The following EEF1AKMT2 variants were observed in gnomAD, a reference collection of about 807,000 sequenced individuals.
EEF1AKMT2 encodes the protein eukaryotic translation elongation factor 1 alpha lysine methyltransferase 2.
A neutral mutation model predicts 35.8 loss-of-function variants in EEF1AKMT2; 32 were observed. That is an observed-to-expected ratio of 0.89 (90% confidence interval 0.67 to 1.20). The LOEUF (loss-of-function observed/expected upper bound fraction) is 1.20. Among genes scored for constraint, EEF1AKMT2 ranks in the 50% most tolerant of loss-of-function variants. The pLI is 0.00. For synonymous variants in EEF1AKMT2, 121 were observed against 133.7 expected, an observed-to-expected ratio of 0.91 and a Z score of 0.65; for missense variants, 330 against 347.5, an observed-to-expected ratio of 0.95 and a Z score of 0.40.
chr10:124,777,236 G>A (rs1043504356), intron 3 of EEF1AKMT2, among the ~76,000 whole-genome samples: 11 of 147,680 alleles, frequency 7.4e-5, no homozygotes, highest in Non-Finnish European at 1.2e-4. Flanking sequence ...CCAAGATCGC[G>A]CCATTGCACT....
chr10:124,779,828 C>T (rs1950525014), intron 3 of EEF1AKMT2, among the ~76,000 whole-genome samples: 1 of 146,640 alleles, frequency 6.8e-6, no homozygotes, highest in African/African-American at 2.5e-5. Context: ...TCTTGGAGGC[C>T]AAGGTGGGTG....
In EEF1AKMT2 at chr10:124,759,979, A is replaced by C. The variant is rs200602002; in HGVS notation, c.*524T>G. ...TAGTATTTCTTGTTATATTTCATAA[A>C]CAGTCTAACAAAACACTAACAAAGT... On this transcript the variant is annotated 3_prime_UTR_variant, in exon 7 of 7. Transcript: ENST00000368836. The C allele has an allele frequency of 6.9e-5, 11 of 160,556 alleles. No homozygotes were observed. The East Asian group carries it at 2.0e-3, about 29-fold the overall frequency. The allele number at this position is 160,556 out of a possible 1,614,324, so 9.9% of individuals were successfully genotyped here.
intron 3 of EEF1AKMT2, among the ~76,000 whole-genome samples, chr10:124,785,246 CAAAAAAAAAAAAAAAA>C (rs35915292): frequency 5.4e-4 from 33 of 61,398 alleles, no homozygotes; most frequent in Non-Finnish European, 7.3e-4. Flanking sequence ...GACTCCGTCT[CAAAAAAAAAAAAAAAA>C]AAAAAAAAGA....
At chr10:124,764,303 CAA>C (rs71893253) in intron 5 of EEF1AKMT2, among the ~76,000 whole-genome samples, 272 of 127,544 alleles carry the variant, frequency 2.1e-3, no homozygotes, top group African/African-American at 2.4e-3. Flanking sequence ...AGTGCAGGAT[CAA>C]AAAAAAAAAA....
rs77127517 is a variant in EEF1AKMT2, at chr10:124,776,290, A to G, written c.292-1508T>C. Among the ~76,000 whole-genome samples, 1,164 of 152,318 alleles carry G rather than the reference A, an allele frequency of 7.6e-3. 24 individuals carry two copies. In the East Asian group the frequency reaches 0.1, roughly 14 times the overall value. ...CACTCAGGGCCTCAAACTATCTCCAATGTCTTTCACATTCAATTTCTGGCA... is the reference window on the plus strand; with the variant it reads ...CACTCAGGGCCTCAAACTATCTCCAGTGTCTTTCACATTCAATTTCTGGCA... On this transcript the variant is annotated intron_variant, in intron 3 of 6. Coordinates refer to ENST00000368836, the MANE Select transcript of EEF1AKMT2 (RefSeq NM_212554.4).
chr10:124,769,218 C>CAAAAAAAAAAAAAAAAAAAAAAAAAAAA (rs1554917142), intron 4 of EEF1AKMT2, among the ~76,000 whole-genome samples: 1 of 31,294 alleles, frequency 3.2e-5, no homozygotes, highest in Non-Finnish European at 5.6e-5. Flanking sequence ...ACACTGTCTC[C>CAAAAAAAAAAAAAAAAAAAAAAAAAAAA]AAAAAAAAAA....
chr10:124,775,799 C>T (rs1433607108), intron 3 of EEF1AKMT2, among the ~76,000 whole-genome samples: 1 of 152,078 alleles, frequency 6.6e-6, no homozygotes, highest in East Asian at 1.9e-4. Flanking sequence ...TGATGCCAAC[C>T]TTCCACCCTT....
chr10:124,772,432 T>C (rs1178477878), intron 4 of EEF1AKMT2, among the ~76,000 whole-genome samples: 32 of 128,458 alleles, frequency 2.5e-4, no homozygotes, highest in African/African-American at 8.2e-4. Context: ...TTTTTTTTTT[T>C]TTTTTTTTTT....
In EEF1AKMT2 at chr10:124,760,345, T is replaced by C; in HGVS notation, c.*158A>G. 3 of 1,085,858 alleles carry C rather than the reference T, an allele frequency of 2.8e-6. No homozygotes were observed. The highest frequency in any genetic ancestry group is 4.1e-6 in the Non-Finnish European group (3 of 727,480). 67.3% of individuals were successfully genotyped at this position (1,085,858 alleles called of 1,614,324 possible). Reference sequence around the variant, plus strand: ...AGCATTTATTTGCACAAGGATTTTCTGTGTCAGGTTAACTTTGCTGTGTAG... The same window carrying C: ...AGCATTTATTTGCACAAGGATTTTCCGTGTCAGGTTAACTTTGCTGTGTAG... On this transcript the variant is annotated 3_prime_UTR_variant, in exon 7 of 7. Transcript: ENST00000368836.
At chr10:124,774,106 G>A (rs530005621) in intron 4 of EEF1AKMT2, among the ~76,000 whole-genome samples, 1 of 152,218 alleles carries the variant, frequency 6.6e-6, no homozygotes, top group Non-Finnish European at 1.5e-5. Flanking sequence ...GGTGGCTCAC[G>A]CCTGTAATCC....
At chr10:124,766,141 T>C (rs549173064) in intron 4 of EEF1AKMT2, 86 of 153,388 alleles carry the variant, frequency 5.6e-4, no homozygotes, top group African/African-American at 2.0e-3. Flanking sequence ...TTTTAACTTA[T>C]ATTCCTAGTG....
At chr10:124,775,674 C>T (rs565724788) in intron 3 of EEF1AKMT2, among the ~76,000 whole-genome samples, 99 of 152,246 alleles carry the variant, frequency 6.5e-4, no homozygotes, top group Non-Finnish European at 1.3e-3. Flanking sequence ...TCTTTTTAAC[C>T]CTAAGTAACT....
At chr10:124,779,529 G>A (rs575709088) in intron 3 of EEF1AKMT2, among the ~76,000 whole-genome samples, 3 of 151,634 alleles carry the variant, frequency 2.0e-5, no homozygotes, top group Admixed American at 6.6e-5. Context: ...GGTGGATCAC[G>A]AGGTCAGGAG....
At chr10:124,787,735 GA>G (rs576161212) in intron 3 of EEF1AKMT2, among the ~76,000 whole-genome samples, 124 of 136,092 alleles carry the variant, frequency 9.1e-4, no homozygotes, top group Non-Finnish European at 9.3e-4. Context: ...GACAAAGCCT[GA>G]AAAAAAAAAA....
At chr10:124,787,263 A>G (rs981205030) in intron 3 of EEF1AKMT2, among the ~76,000 whole-genome samples, 14 of 152,072 alleles carry the variant, frequency 9.2e-5, no homozygotes, top group Non-Finnish European at 1.8e-4. Flanking sequence ...GGAATCTTAT[A>G]TGGCAATAAA....
intron 1 of EEF1AKMT2, 45 bp downstream of exon 1, chr10:124,791,679 G>C: frequency 6.5e-7 from 1 of 1,544,642 alleles, no homozygotes; most frequent in South Asian, 1.2e-5. Flanking sequence ...CGGGGCCCAG[G>C]CAGGGCGGCA....
intron 4 of EEF1AKMT2, among the ~76,000 whole-genome samples, chr10:124,767,160 TAA>T (rs903606562): frequency 1.9e-5 from 2 of 104,188 alleles, no homozygotes; most frequent in Non-Finnish European, 1.9e-5. Flanking sequence ...GACTCCATCT[TAA>T]AAAAAAAAAA....
intron 2 of EEF1AKMT2, 58 bp downstream of exon 2, chr10:124,790,213 AAC>A: frequency 1.2e-5 from 16 of 1,326,578 alleles, no homozygotes; most frequent in South Asian, 4.7e-5. Flanking sequence ...TATTTTTTTA[AAC>A]ACACACACAT....
rs60863408 is a variant in EEF1AKMT2 at position 124,769,248 on chromosome 10, A to ATATATATATG, written c.400-3641_400-3640insCATATATATA. Among the ~76,000 whole-genome samples, 421 of 63,694 alleles carry ATATATATATG rather than the reference A, an allele frequency of 6.6e-3. 7 individuals carry two copies. Among genetic ancestry groups the ATATATATATG allele is most frequent in the African/African-American group, 0.021 (383 of 18,218 alleles). The allele number at this position is 63,694 out of a possible 152,430, so 41.8% of individuals were successfully genotyped here. A position where few individuals can be genotyped will look rare whatever the true frequency, so the allele number is the denominator to read the frequency against. On this transcript the variant is annotated intron_variant, in intron 4 of 6. Transcript: ENST00000368836. ...AAAAAAAAAAAATATATATATATAT[A>ATATATATATG]TGTGTGTATAAATAAAACGAACAGA...
Sources: allele counts gnomAD v4.1 joint callset (sites outside exome capture counted in the v4.1 genomes callset), GRCh38; gene constraint gnomAD v4.1.1; transcripts MANE v1.5; gene names NCBI Gene and HGNC (gene_info 2026-07-23, HGNC 2026-07-21).